Variants in RBFOX3 observed in about 807,000 individuals in gnomAD.
RBFOX3 encodes the protein RNA binding fox-1 homolog 3, also known as RNA binding protein fox-1 homolog 3.
A neutral mutation model predicts 48.7 loss-of-function variants in RBFOX3; 17 were observed. The ratio of observed to expected loss-of-function variants is 0.35; its 90% confidence interval spans 0.24 to 0.52. The LOEUF (loss-of-function observed/expected upper bound fraction) is 0.52. Ranked by LOEUF, RBFOX3 falls within the 20% of genes least tolerant of loss-of-function variation. The pLI, the probability that RBFOX3 is intolerant of heterozygous loss-of-function variation, is 0.94. For missense variants in RBFOX3, 382 were observed against 497.5 expected, an observed-to-expected ratio of 0.77 and a Z score of 2.21; for synonymous variants, 212 against 209.5, an observed-to-expected ratio of 1.01 and a Z score of -0.10.
In RBFOX3 at chr17:79,428,629, G is replaced by A. The variant is rs113168256; in HGVS notation, c.-175+53825C>T. 1.9e-3 allele frequency among the ~76,000 whole-genome samples: 294 copies of A among 152,294 alleles called. 3 individuals are homozygous for A. The highest frequency in any genetic ancestry group is 7.0e-3 in the African/African-American group (290 of 41,568). ...CGACAGCCTCGGGAGGCAGAGATAC[G>A]GACTGCTCTGATTTCACAGACGCCC... On this transcript the variant is annotated intron_variant, in intron 2 of 14. Transcript: ENST00000693108.
intron 3 of RBFOX3, among the ~76,000 whole-genome samples, chr17:79,264,062 G>A (rs1272826055): frequency 6.6e-6 from 1 of 151,728 alleles, no homozygotes; most frequent in Non-Finnish European, 1.5e-5. Context: ...CCCTTCCCTA[G>A]AGCTTTGGCG....
chr17:79,183,368 TGGGGCGGCAG>T, intron 4 of RBFOX3: 1 of 152,044 alleles, frequency 6.6e-6, no homozygotes, highest in East Asian at 2.0e-4. Flanking sequence ...GAGCACAGCA[TGGGGCGGCAG>T]GGGGGCGCCC....
intron 2 of RBFOX3, among the ~76,000 whole-genome samples, chr17:79,318,944 A>G (rs900420796): frequency 6.6e-6 from 1 of 150,788 alleles, no homozygotes; most frequent in African/African-American, 2.4e-5. Context: ...TACTGGGTGC[A>G]GCACACCAAC....
At chr17:79,455,091 C>T (rs548986861) in intron 2 of RBFOX3, among the ~76,000 whole-genome samples, 160 of 152,058 alleles carry the variant, frequency 1.1e-3, no homozygotes, top group African/African-American at 3.7e-3. Context: ...GGCTGGACAG[C>T]GTCCCCCTCC....
At chr17:79,375,872 G>A (rs188534044) in intron 2 of RBFOX3, among the ~76,000 whole-genome samples, 3 of 152,346 alleles carry the variant, frequency 2.0e-5, no homozygotes, top group Non-Finnish European at 4.4e-5. Flanking sequence ...CACACCAGCT[G>A]TGTGGCCTCG....
At chr17:79,595,606 G>T (rs2093549197) in intron 1 of RBFOX3, among the ~76,000 whole-genome samples, 1 of 152,206 alleles carries the variant, frequency 6.6e-6, no homozygotes, top group Non-Finnish European at 1.5e-5. Flanking sequence ...TGCAGGGAGT[G>T]TGTTAGCAGC....
In RBFOX3 at chr17:79,199,927, G is replaced by A. The variant is rs372424269; in HGVS notation, c.-34+35839C>T. 2.6e-5 allele frequency among the ~76,000 whole-genome samples: 4 copies of A among 152,300 alleles called. No homozygotes were observed. Among genetic ancestry groups the A allele is most frequent in the East Asian group, 1.9e-4 (1 of 5,178 alleles). ...TGTAATCCCAGCACTTTGGGAGGCCGAGGTGGGTGGATCACCTGAAGTCAG... is the reference window on the plus strand; with the variant it reads ...TGTAATCCCAGCACTTTGGGAGGCCAAGGTGGGTGGATCACCTGAAGTCAG... On this transcript the variant is annotated intron_variant, in intron 4 of 14. Transcript: ENST00000693108. This position sits in a 1 kb window ranked among gnomAD's most constrained non-coding sequence, Gnocchi z 5.1.
chr17:79,369,143 G>C (rs1329294167), intron 2 of RBFOX3, among the ~76,000 whole-genome samples: 1 of 152,162 alleles, frequency 6.6e-6, no homozygotes, highest in Non-Finnish European at 1.5e-5. Context: ...GGCATCCGGT[G>C]GCACTGTGCC....
intron 1 of RBFOX3, among the ~76,000 whole-genome samples, chr17:79,539,725 C>T (rs1568393029): frequency 6.6e-6 from 1 of 152,172 alleles, no homozygotes; most frequent in Non-Finnish European, 1.5e-5. Flanking sequence ...AACAAAGAAG[C>T]AAATATTTTT....
intron 1 of RBFOX3, chr17:79,515,951 T>C (rs1021354625): frequency 3.3e-5 from 5 of 152,274 alleles, no homozygotes; most frequent in African/African-American, 1.2e-4. Flanking sequence ...ATCGAGGCGC[T>C]CACCTCCAGG....
At position 79,141,461 on chromosome 17, in the gene RBFOX3, C is replaced by T. The variant is rs145678474; in HGVS notation, c.-33-25713G>A. Among the ~76,000 whole-genome samples, 622 of 152,268 alleles carry T rather than the reference C, an allele frequency of 4.1e-3. 6 individuals are homozygous for T. Among genetic ancestry groups the T allele is most frequent in the African/African-American group, 0.014 (578 of 41,544 alleles). ...TCTGATTCTGAAATCTCAGTTCTATCACAAGAAGCCAGTGTTAAATTTCTC... is the reference window on the plus strand; with the variant it reads ...TCTGATTCTGAAATCTCAGTTCTATTACAAGAAGCCAGTGTTAAATTTCTC... On this transcript the variant is annotated intron_variant, in intron 4 of 14. Coordinates refer to ENST00000693108, the MANE Select transcript of RBFOX3 (RefSeq NM_001350451.2).
rs2086266559 is a variant in RBFOX3 at position 79,361,141 on chromosome 17, TGACA to T, written c.-174-53321_-174-53318del. On this transcript the variant is annotated intron_variant, in intron 2 of 14. Transcript: ENST00000693108. This position sits in a 1 kb window ranked among gnomAD's most constrained non-coding sequence, Gnocchi z 4.5. ...TTGGCTCCAAAGGTTTGAAAGAGGG[TGACA>T]GACAGCTGTCACCCTCCCTCTGCTA... Among the ~76,000 whole-genome samples the T allele has an allele frequency of 6.6e-6, 1 of 151,390 alleles. No homozygotes were observed. The highest frequency in any genetic ancestry group is 2.4e-5 in the African/African-American group (1 of 41,132).
chr17:79,545,184 C>A (rs1555791531), intron 1 of RBFOX3, among the ~76,000 whole-genome samples: 1 of 152,148 alleles, frequency 6.6e-6, no homozygotes, highest in East Asian at 1.9e-4. Flanking sequence ...CCACGTAGAT[C>A]CTTGTGCTTG....
rs1346764925 is a variant in RBFOX3 at position 79,418,550 on chromosome 17, G to A, written c.-175+63904C>T. 1.3e-5 allele frequency among the ~76,000 whole-genome samples: 2 copies of A among 152,248 alleles called. No individual in the cohort carries two copies. The highest frequency in any genetic ancestry group is 2.9e-5 in the Non-Finnish European group (2 of 68,050). ...AGACATAGATGCCCAGACATGTGAA[G>A]GTGGTCAGTCGTGGGGCCAAGTCTC... On this transcript the variant is annotated intron_variant, in intron 2 of 14. Transcript: ENST00000693108. This position sits in a 1 kb window ranked among gnomAD's most constrained non-coding sequence, Gnocchi z 5.0.
At chr17:79,235,253 G>A (rs1020204375) in intron 4 of RBFOX3, 11 of 152,324 alleles carry the variant, frequency 7.2e-5, no homozygotes, top group African/African-American at 2.4e-4. Context: ...GTCCCCCAGC[G>A]AGGGTCAACA....
intron 4 of RBFOX3, among the ~76,000 whole-genome samples, chr17:79,186,615 C>G (rs1036641190): frequency 4.6e-5 from 7 of 152,148 alleles, no homozygotes; most frequent in African/African-American, 1.7e-4. Context: ...TGCCCCCGCT[C>G]CTGGGGCGGA....
chr17:79,341,002 A>G (rs955234206), intron 2 of RBFOX3, among the ~76,000 whole-genome samples: 1 of 152,246 alleles, frequency 6.6e-6, no homozygotes, highest in Non-Finnish European at 1.5e-5. Flanking sequence ...TCTGGACTCA[A>G]ACAAACATAA....
chr17:79,595,965 G>A (rs1409043737), intron 1 of RBFOX3, among the ~76,000 whole-genome samples: 4 of 152,182 alleles, frequency 2.6e-5, no homozygotes, highest in Non-Finnish European at 5.9e-5. Context: ...ATTACGCTCC[G>A]AAGGATGCAG....
At chr17:79,138,000 G>A (rs2143878706) in intron 4 of RBFOX3, among the ~76,000 whole-genome samples, 1 of 152,248 alleles carries the variant, frequency 6.6e-6, no homozygotes, top group Non-Finnish European at 1.5e-5. Context: ...TTGCACAGGC[G>A]GAGGCACATC....
Sources: gnomAD v4.1 joint callset for allele counts (sites outside exome capture counted in the v4.1 genomes callset) on GRCh38, gnomAD v4.1.1 for gene constraint, Gnocchi (gnomAD v3.1) non-coding constraint, MANE v1.5 for transcripts, NCBI Gene and HGNC (gene_info 2026-07-23, HGNC 2026-07-21) for gene names.